Variants in RNGTT observed in about 807,000 individuals in gnomAD.
The protein encoded by RNGTT is RNA guanylyltransferase and 5'-phosphatase, also known as mRNA-capping enzyme.
In RNGTT, 33 loss-of-function variants were observed where a neutral mutation model predicts 79.3. The ratio of observed to expected loss-of-function variants is 0.42; its 90% CI spans 0.32 to 0.56. The LOEUF (loss-of-function observed/expected upper bound fraction) is 0.56. RNGTT is among the 20% of genes least tolerant of loss of function. The probability of loss-of-function intolerance (pLI) is 0.17; values close to 1 mark genes in which losing one functional copy is unlikely to be tolerated. For synonymous variants in RNGTT, 222 were observed against 235.9 expected, an observed-to-expected ratio of 0.94 and a Z score of 0.54; for missense variants, 497 against 739.1, an observed-to-expected ratio of 0.67 and a Z score of 3.80.
intron 14 of RNGTT, among the ~76,000 whole-genome samples, chr6:88,676,032 C>T (rs2127788645): frequency 6.6e-6 from 1 of 152,198 alleles, no homozygotes; most frequent in Non-Finnish European, 1.5e-5. Context: ...TCCGAACAGG[C>T]ATTTTTATAG....
chr6:88,743,684 G>A (rs1777568186), intron 13 of RNGTT, among the ~76,000 whole-genome samples: 1 of 152,088 alleles, frequency 6.6e-6, no homozygotes, highest in Non-Finnish European at 1.5e-5. Context: ...ATATTCTATT[G>A]TATGTATATA....
chr6:88,876,232 T>C (rs1782513381), intron 8 of RNGTT, among the ~76,000 whole-genome samples: 1 of 152,124 alleles, frequency 6.6e-6, no homozygotes, highest in Admixed American at 6.6e-5. Flanking sequence ...AAAAGCAGCA[T>C]ACAAAAATAA....
chr6:88,865,802 T>C (rs917294548), intron 8 of RNGTT, among the ~76,000 whole-genome samples: 20 of 152,102 alleles, frequency 1.3e-4, no homozygotes, highest in Admixed American at 8.5e-4. Context: ...TTTCTTAAGA[T>C]TTACTAACAA....
intron 13 of RNGTT, among the ~76,000 whole-genome samples, chr6:88,740,983 T>C (rs1387834596): frequency 6.6e-6 from 1 of 152,152 alleles, no homozygotes; most frequent in African/African-American, 2.4e-5. Context: ...ATGGAACACT[T>C]GTACACTGTT....
rs1249511168 is a variant in RNGTT, at chr6:88,610,628, A to G, written c.*2091T>C. 6.6e-6 allele frequency: 1 copy of G among 152,190 alleles called. No homozygotes were observed. The highest frequency in any genetic ancestry group is 1.9e-4 in the East Asian group (1 of 5,200). 9.4% of individuals were successfully genotyped at this position (152,190 alleles called of 1,614,324 possible). On this transcript the variant is annotated 3_prime_UTR_variant, in exon 16 of 16. Coordinates refer to ENST00000369485, the MANE Select transcript of RNGTT (RefSeq NM_003800.5). ...TATGTTCAGGGGCTAAATGGGATCT[A>G]CTTATAAGGCCAACTACTCTATGTC...
At chr6:88,801,700 G>C (rs1779789017) in intron 11 of RNGTT, 68 bp from the exon 12 acceptor site, 2 of 1,064,670 alleles carry the variant, frequency 1.9e-6, no homozygotes, top group Non-Finnish European at 2.8e-6. Flanking sequence ...TAAACTTCTT[G>C]CTAAGCTTTA....
chr6:88,693,133 G>A (rs1469679375), intron 13 of RNGTT, among the ~76,000 whole-genome samples: 1 of 151,732 alleles, frequency 6.6e-6, no homozygotes, highest in Non-Finnish European at 1.5e-5. Flanking sequence ...AAAGATCAAA[G>A]CAGAAATTTA....
chr6:88,877,779 C>A lies in RNGTT; in HGVS notation c.896+12716G>T, dbSNP rs1240033167. On this transcript the variant is annotated intron_variant, in intron 8 of 15. Transcript: ENST00000369485. ...CAATAAACAGTGTTTCTGAGTTGAC[C>A]TCTAAATATTCTCTGGTAGTCTCAC... Among the ~76,000 whole-genome samples the A allele has an allele frequency of 4.6e-5, 7 of 152,182 alleles. No individual in the cohort carries two copies. In the East Asian group the frequency reaches 1.4e-3, roughly 29 times the overall value.
At chr6:88,711,651 CAG>C (rs1776323262) in intron 13 of RNGTT, among the ~76,000 whole-genome samples, 1 of 152,202 alleles carries the variant, frequency 6.6e-6, no homozygotes, top group Non-Finnish European at 1.5e-5. Flanking sequence ...CGCCCACTTG[CAG>C]AGAGTCAGCC....
intron 8 of RNGTT, among the ~76,000 whole-genome samples, chr6:88,883,503 G>C (rs1782757647): frequency 6.6e-6 from 1 of 152,146 alleles, no homozygotes; most frequent in Admixed American, 6.5e-5. Flanking sequence ...ACTTCCAAGT[G>C]GATCAGCATG....
rs1772042748 is a variant in RNGTT at position 88,611,976 on chromosome 6, C to T, written c.*743G>A. The T allele has an allele frequency of 6.6e-6, 1 of 152,544 alleles. No homozygotes were observed. Among genetic ancestry groups the T allele is most frequent in the East Asian group, 1.9e-4 (1 of 5,200 alleles). 9.4% of individuals were successfully genotyped at this position (152,544 alleles called of 1,614,324 possible). A position where few individuals can be genotyped will look rare whatever the true frequency, so the allele number is the denominator to read the frequency against. On this transcript the variant is annotated 3_prime_UTR_variant, in exon 16 of 16. Transcript: ENST00000369485. Reference sequence around the variant, plus strand: ...ACATAAAGGACCTGGTGGTGTATGTCCAAGTTCCATGAAGTAACTCAAAAC... The same window carrying T: ...ACATAAAGGACCTGGTGGTGTATGTTCAAGTTCCATGAAGTAACTCAAAAC...
chr6:88,817,698 A>G (rs1276654451), intron 11 of RNGTT, among the ~76,000 whole-genome samples: 2 of 150,580 alleles, frequency 1.3e-5, no homozygotes, highest in African/African-American at 4.9e-5. Flanking sequence ...CTCTGAACCT[A>G]AATGATAACT....
chr6:88,761,978 A>G (rs1211432370), intron 13 of RNGTT, among the ~76,000 whole-genome samples: 1 of 152,098 alleles, frequency 6.6e-6, no homozygotes, highest in Non-Finnish European at 1.5e-5. Context: ...CAAAAGAAAA[A>G]TCTAATAAAA....
chr6:88,619,323 A>G (rs934962914), intron 14 of RNGTT, among the ~76,000 whole-genome samples: 1 of 152,032 alleles, frequency 6.6e-6, no homozygotes, highest in African/African-American at 2.4e-5. Flanking sequence ...GCACTACCAC[A>G]CCTGGCTAAT....
At chr6:88,651,936 A>T (rs1444320899) in intron 14 of RNGTT, among the ~76,000 whole-genome samples, 2 of 152,140 alleles carry the variant, frequency 1.3e-5, no homozygotes, top group Non-Finnish European at 2.9e-5. Context: ...TTTTTAAAAG[A>T]GTATGTATGT....
chr6:88,886,431 G>A (rs902600950), intron 8 of RNGTT, among the ~76,000 whole-genome samples: 2 of 152,174 alleles, frequency 1.3e-5, no homozygotes, highest in South Asian at 2.1e-4. Context: ...TCTGAATAAC[G>A]TCAATAATCA....
intron 11 of RNGTT, among the ~76,000 whole-genome samples, chr6:88,809,338 A>T (rs1346290369): frequency 6.6e-6 from 1 of 152,166 alleles, no homozygotes; most frequent in Non-Finnish European, 1.5e-5. Context: ...ATAGAAAAAA[A>T]AATCACTAGT....
intron 4 of RNGTT, among the ~76,000 whole-genome samples, chr6:88,909,982 C>A (rs1034970078): frequency 2.9e-4 from 44 of 151,078 alleles, no homozygotes; most frequent in African/African-American, 7.8e-4. Flanking sequence ...AAAAAAAAAA[C>A]CCATTCAATC....
At chr6:88,623,032 G>A (rs947748891) in intron 14 of RNGTT, among the ~76,000 whole-genome samples, 1 of 152,082 alleles carries the variant, frequency 6.6e-6, no homozygotes, top group Non-Finnish European at 1.5e-5. Context: ...GGGTTCTAAG[G>A]AGATGATATT....
Sources: allele counts gnomAD v4.1 joint callset (sites outside exome capture counted in the v4.1 genomes callset), GRCh38; gene constraint gnomAD v4.1.1; transcripts MANE v1.5; gene names NCBI Gene and HGNC (gene_info 2026-07-23, HGNC 2026-07-21).